HM13: variants seen among roughly 807,000 people sequenced by gnomAD.
The protein encoded by HM13 is histocompatibility minor 13, also known as signal peptide peptidase.
Under a neutral mutation model 50.0 loss-of-function variants are expected in HM13, and 18 were observed. That is an observed-to-expected ratio of 0.36 (90% CI 0.25 to 0.53). The LOEUF is 0.53. HM13 is among the 20% of genes least tolerant of loss of function. HM13 has a pLI of 0.90. For missense variants in HM13, 393 were observed against 552.4 expected, an observed-to-expected ratio of 0.71 and a Z score of 2.89; for synonymous variants, 197 against 232.6, an observed-to-expected ratio of 0.85 and a Z score of 1.39.
At chr20:31,533,504 C>CA (rs1001628105) in intron 2 of HM13, among the ~76,000 whole-genome samples, 7 of 151,814 alleles carry the variant, frequency 4.6e-5, no homozygotes, top group Non-Finnish European at 8.8e-5. Context: ...GACTTCGTCT[C>CA]AAAAAAAACA....
intron 6 of HM13, among the ~76,000 whole-genome samples, chr20:31,549,720 G>A (rs370933132): frequency 1.3e-5 from 2 of 152,230 alleles, no homozygotes; most frequent in Admixed American, 6.5e-5. Flanking sequence ...AGGGACTGAC[G>A]TCAGCCTGAC....
intron 7 of HM13, among the ~76,000 whole-genome samples, chr20:31,552,443 C>T: frequency 6.6e-6 from 1 of 152,280 alleles, no homozygotes; most frequent in Non-Finnish European, 1.5e-5. Context: ...TTGGACACTG[C>T]CCCGTAGGCC....
chr20:31,546,088 C>T (rs1003993126), intron 4 of HM13, among the ~76,000 whole-genome samples: 7 of 144,374 alleles, frequency 4.8e-5, no homozygotes, highest in East Asian at 4.2e-4. Flanking sequence ...CTCGCTCTGT[C>T]GCCCAGGCTG....
At chr20:31,543,658 G>A (rs1407054551) in intron 3 of HM13, among the ~76,000 whole-genome samples, 1 of 151,816 alleles carries the variant, frequency 6.6e-6, no homozygotes, top group Non-Finnish European at 1.5e-5. Context: ...TTGGCCGGGC[G>A]CGGTGGCTTA....
chr20:31,544,158 C>A (rs2122607653), intron 3 of HM13, among the ~76,000 whole-genome samples: 1 of 152,366 alleles, frequency 6.6e-6, no homozygotes, highest in East Asian at 1.9e-4. Context: ...TCTCCCACAG[C>A]CACATGGCAG....
chr20:31,554,613 T>C lies in HM13; in HGVS notation c.725-133T>C, dbSNP rs376804399. ...GGGAGAATGGCATGAACCCAGGAGA[T>C]GGAGCTTGCAGTGAGCCGAGATTGC... On this transcript the variant is annotated intron_variant, in intron 7 of 12. Coordinates refer to ENST00000398174, the MANE Select transcript of HM13 (RefSeq NM_178581.3). 184 of 647,344 alleles carry C rather than the reference T, an allele frequency of 2.8e-4. 2 individuals carry two copies. The highest frequency in any genetic ancestry group is 1.9e-3 in the East Asian group (64 of 34,350). 40.1% of individuals were successfully genotyped at this position (647,344 alleles called of 1,614,324 possible). A position where few individuals can be genotyped will look rare whatever the true frequency, so the allele number is the denominator to read the frequency against.
intron 11 of HM13, among the ~76,000 whole-genome samples, chr20:31,567,136 C>G (rs929433782): frequency 3.9e-5 from 6 of 152,168 alleles, no homozygotes; most frequent in Non-Finnish European, 8.8e-5. Flanking sequence ...CCCAGCCCCC[C>G]GCCTGCCTGC....
In HM13 at chr20:31,569,180, G is replaced by A. The variant is rs1429347926; in HGVS notation, c.1242G>A (p.Glu414=). 3.7e-6 allele frequency: 6 copies of A among 1,604,080 alleles called. No homozygotes were observed. The highest frequency in any genetic ancestry group is 3.4e-6 in the Non-Finnish European group (4 of 1,174,992). The change falls in exon 13 of 13, where the codon GAG becomes GAA. Residue 414 remains glutamate (E), a synonymous_variant. Transcript: ENST00000398174. ...AAVTESKEGT[E]ASASKGLEKK... is the part of the protein sequence containing the mutation. ...TGACAGAATCCAAAGAGGGAACAGA[G>A]GCATCAGCATCGAAGGGGCTGGAGA...
At chr20:31,525,056 A>G (rs1025451182) in intron 1 of HM13, among the ~76,000 whole-genome samples, 1 of 152,022 alleles carries the variant, frequency 6.6e-6, no homozygotes, top group Non-Finnish European at 1.5e-5. Context: ...TGGAAATTTC[A>G]GTCTAATGCA....
At chr20:31,539,517 G>T (rs1983314963) in intron 3 of HM13, 1 of 985,170 alleles carries the variant, frequency 1.0e-6, no homozygotes, top group South Asian at 4.7e-5. Flanking sequence ...CCAATATGAG[G>T]CCAGGTGGTG....
Position 31,521,964 on chromosome 20 carries a change from G to A in HM13, c.184-5520G>A, listed in dbSNP as rs73233607. On this transcript the variant is annotated intron_variant, in intron 1 of 12. Transcript: ENST00000398174. ...CCACCTTGACCTCCCAAAGTGCTGG[G>A]ATTACAGTCCAGTCTCCCATTCTGA... 4.4e-3 allele frequency among the ~76,000 whole-genome samples: 668 copies of A among 151,110 alleles called. 9 individuals are homozygous for A. Among genetic ancestry groups the A allele is most frequent in the African/African-American group, 0.016 (643 of 41,090 alleles).
At chr20:31,550,494 G>A (rs540943876) in intron 7 of HM13, 31 of 203,062 alleles carry the variant, frequency 1.5e-4, no homozygotes, top group Admixed American at 4.8e-4. Context: ...TGTCTATCCC[G>A]TGCCTCTCAA....
intron 7 of HM13, among the ~76,000 whole-genome samples, chr20:31,551,074 G>A (rs1017412945): frequency 1.3e-5 from 2 of 152,054 alleles, no homozygotes; most frequent in African/African-American, 4.8e-5. Flanking sequence ...TTAAACTTAG[G>A]TTTTATCCCC....
At chr20:31,539,615 GA>G (rs1216284465) in intron 3 of HM13, 3 of 502,120 alleles carry the variant, frequency 6.0e-6, no homozygotes, top group Admixed American at 6.4e-5. Context: ...CCAACATGGT[GA>G]AACCCCGTCT....
chr20:31,558,879 A>T (rs1019208184), intron 8 of HM13, among the ~76,000 whole-genome samples: 2 of 151,934 alleles, frequency 1.3e-5, no homozygotes, highest in Non-Finnish European at 2.9e-5. Flanking sequence ...GCCTGCCACC[A>T]CGTCTGGCTA....
In HM13 at chr20:31,550,122, G is replaced by A. The variant is rs776373487; in HGVS notation, c.724+1G>A. ...AAGTCCTTCGAGGCACCAATAAAAT[G>A]TAAGTGACCACCCTGCCACAGGGAA... On this transcript the variant is annotated splice_donor_variant, in intron 7 of 12. Coordinates refer to ENST00000398174, the MANE Select transcript of HM13 (RefSeq NM_178581.3). LOFTEE classifies it high-confidence loss of function. 1 of 1,613,162 alleles carries A rather than the reference G, an allele frequency of 6.2e-7. No homozygotes were observed. The highest frequency in any genetic ancestry group is 1.7e-5 in the Admixed American group (1 of 60,002).
intron 1 of HM13, among the ~76,000 whole-genome samples, chr20:31,523,053 G>GGGGGGTT (rs1568779752): frequency 7.2e-6 from 1 of 139,828 alleles, no homozygotes; most frequent in African/African-American, 2.9e-5. Context: ...TGGGAGGGGG[G>GGGGGGTT]CTTTTTTTTT....
chr20:31,556,214 AT>A (rs1053493612), intron 8 of HM13, among the ~76,000 whole-genome samples: 2 of 151,496 alleles, frequency 1.3e-5, no homozygotes, highest in Non-Finnish European at 2.9e-5. Context: ...GATTTTGTAT[AT>A]TTAGTAGAGA....
At chr20:31,559,150 T>C (rs915213403) in intron 8 of HM13, among the ~76,000 whole-genome samples, 3 of 152,228 alleles carry the variant, frequency 2.0e-5, no homozygotes, top group Non-Finnish European at 2.9e-5. Context: ...ACTCCTGACC[T>C]CGTGATCCAC....
Sources: allele counts gnomAD v4.1 joint callset (sites outside exome capture counted in the v4.1 genomes callset), GRCh38; gene constraint gnomAD v4.1.1; transcripts MANE v1.5; gene names NCBI Gene and HGNC (gene_info 2026-07-23, HGNC 2026-07-21).